KDM4A: variants seen among roughly 807,000 people sequenced by gnomAD.
The protein encoded by KDM4A is lysine-specific demethylase 4A.
KDM4A carries 23 observed loss-of-function variants against 127.1 expected under a neutral mutation model. The observed-to-expected ratio is 0.18, with a 90% CI of 0.13 to 0.26. The LOEUF (loss-of-function observed/expected upper bound fraction) is 0.26. Among genes scored for constraint, KDM4A ranks in the 10% least tolerant of loss-of-function variants. The pLI, the probability that KDM4A is intolerant of heterozygous loss-of-function variation, is 1.00. For missense variants in KDM4A, 890 were observed against 1,329.1 expected, an observed-to-expected ratio of 0.67 and a Z score of 5.14; for synonymous variants, 443 against 466.5, an observed-to-expected ratio of 0.95 and a Z score of 0.65.
intron 11 of KDM4A, among the ~76,000 whole-genome samples, chr1:43,680,133 T>C (rs145661058): frequency 6.6e-6 from 1 of 152,280 alleles, no homozygotes; most frequent in East Asian, 1.9e-4. Flanking sequence ...GGAGGAGTAC[T>C]GTCCAGGAGA....
chr1:43,694,698 C>T lies in KDM4A; in HGVS notation c.2485-11C>T, dbSNP rs200346548. 3 of 1,594,910 alleles carry T rather than the reference C, an allele frequency of 1.9e-6. No individual in the cohort carries two copies. The African/African-American group carries it at 4.0e-5, about 21-fold the overall frequency. On this transcript the variant is annotated splice_polypyrimidine_tract_variant and intron_variant, in intron 17 of 21. Coordinates refer to ENST00000372396, the MANE Select transcript of KDM4A (RefSeq NM_014663.3). This position sits in a 1 kb window ranked among gnomAD's most constrained non-coding sequence, Gnocchi z 5.2. ...TCCTGCAATCACTGGTTTTCTTCCCCTGTGCTACAGAAATGTATCTTCTGT... is the reference window on the plus strand; with the variant it reads ...TCCTGCAATCACTGGTTTTCTTCCCTTGTGCTACAGAAATGTATCTTCTGT...
At position 43,698,012 on chromosome 1, in the gene KDM4A, T is replaced by C; in HGVS notation, c.2840T>C (p.Val947Ala). The C allele has an allele frequency of 6.2e-7, 1 of 1,612,056 alleles. No individual in the cohort carries two copies. Among genetic ancestry groups the C allele is most frequent in the Non-Finnish European group, 8.5e-7 (1 of 1,179,226 alleles). Residue 947 changes from valine (V) to alanine (A), a missense_variant and splice_region_variant, in exon 19 of 22, where the codon GTG becomes GCG. Physicochemically the swap from Val to Ala is moderately conservative, Grantham distance 64. Transcript: ENST00000372396. ...FSDNLYPEDI[V>A]SQDCLQFGPP... ...GACAATCTTTATCCTGAGGACATAGTGGTAATATCTGCAAGGAGCTTCTCA... is the reference window on the plus strand; with the variant it reads ...GACAATCTTTATCCTGAGGACATAGCGGTAATATCTGCAAGGAGCTTCTCA...
At chr1:43,661,229 C>A (rs1660368852) in intron 4 of KDM4A, among the ~76,000 whole-genome samples, 1 of 151,974 alleles carries the variant, frequency 6.6e-6, no homozygotes, top group African/African-American at 2.4e-5. Context: ...CCTGCCTCAG[C>A]CTCCCAAAGT....
At chr1:43,669,365 A>G in intron 10 of KDM4A, 66 bp downstream of exon 10, 1 of 1,474,712 alleles carries the variant, frequency 6.8e-7, no homozygotes, top group Middle Eastern at 1.7e-4. Context: ...TAGATGCCAT[A>G]TTGAGTGCTG....
intron 11 of KDM4A, among the ~76,000 whole-genome samples, chr1:43,677,277 G>A (rs918869923): frequency 4.6e-5 from 7 of 151,158 alleles, no homozygotes; most frequent in Admixed American, 6.6e-5. Flanking sequence ...TCTGAGAGGC[G>A]GAGGTTGCGC....
At chr1:43,696,274 T>C (rs914494622) in intron 18 of KDM4A, among the ~76,000 whole-genome samples, 2 of 152,036 alleles carry the variant, frequency 1.3e-5, no homozygotes, top group African/African-American at 2.4e-5. Context: ...CCCTGTGGAG[T>C]AGTCAGGTCA....
intron 6 of KDM4A, 99 bp from the exon 7 acceptor site, chr1:43,666,353 T>A (rs375151251): frequency 1.1e-5 from 10 of 927,618 alleles, no homozygotes; most frequent in East Asian, 4.9e-5. Flanking sequence ...TGATGCATCC[T>A]CTTTATCATT....
chr1:43,698,853 A>G (rs1377773137), intron 19 of KDM4A, among the ~76,000 whole-genome samples: 2 of 152,106 alleles, frequency 1.3e-5, no homozygotes, highest in East Asian at 3.8e-4. Flanking sequence ...CAGTGGCACA[A>G]TCTCAGCTCA....
rs1291683296 is a variant in KDM4A, at chr1:43,688,942, A to G, written c.1884A>G (p.Glu628=). 2.5e-5 allele frequency: 40 copies of G among 1,614,190 alleles called. No individual in the cohort carries two copies. Among genetic ancestry groups the G allele is most frequent in the Non-Finnish European group, 3.2e-5 (38 of 1,180,022 alleles). The change falls in exon 13 of 22, where the codon GAA becomes GAG. Residue 628 remains glutamate, a synonymous_variant. Coordinates refer to ENST00000372396, the MANE Select transcript of KDM4A (RefSeq NM_014663.3). This position sits in a 1 kb window ranked among gnomAD's most constrained non-coding sequence, Gnocchi z 4.4. ...CATCTGAACAGCTGACCCCTGAGGA[A>G]GAGGCTGAGGAGACAGAGGCCTGGG... ...DETSEQLTPE[E]EAEETEAWAK... is the part of the protein sequence containing the mutation.
chr1:43,652,300 T>C (rs895424280), intron 1 of KDM4A, among the ~76,000 whole-genome samples: 2 of 152,242 alleles, frequency 1.3e-5, no homozygotes, highest in African/African-American at 4.8e-5. Flanking sequence ...GCATTTTAGC[T>C]GTACTATTAG....
At chr1:43,663,154 G>A in intron 5 of KDM4A, 67 bp downstream of exon 5, 1 of 1,399,832 alleles carries the variant, frequency 7.1e-7, no homozygotes, top group African/African-American at 1.4e-5. Flanking sequence ...CATTGTGCGT[G>A]GGAAGCACCT....
chr1:43,688,333 A>G lies in KDM4A; in HGVS notation c.1856-581A>G, dbSNP rs1408301466. 6.6e-6 allele frequency among the ~76,000 whole-genome samples: 1 copy of G among 152,194 alleles called. No homozygotes were observed. Among genetic ancestry groups the G allele is most frequent in the Non-Finnish European group, 1.5e-5 (1 of 68,048 alleles). ...GCTGGGAAGAGGATTCATCTTGGAC[A>G]TGTAGCTCTGCTCTAGGAGGGGTTG... On this transcript the variant is annotated intron_variant, in intron 12 of 21. Transcript: ENST00000372396. The surrounding 1 kb of genome is among the most constrained non-coding windows in gnomAD (Gnocchi z 4.4).
chr1:43,694,136 C>A lies in KDM4A; in HGVS notation c.2484+34C>A. The A allele has an allele frequency of 6.4e-7, 1 of 1,553,036 alleles. No individual in the cohort carries two copies. Among genetic ancestry groups the A allele is most frequent in the Non-Finnish European group, 8.9e-7 (1 of 1,127,876 alleles). The stretch of plus-strand genomic sequence containing the variant: ...TTGTAGACTCTACATAATTTCCCGA[C>A]TTACAAGTTTCTGGGTAGAAGAGAA... On this transcript the variant is annotated intron_variant, in intron 17 of 21. Coordinates refer to ENST00000372396, the MANE Select transcript of KDM4A (RefSeq NM_014663.3). This position sits in a 1 kb window ranked among gnomAD's most constrained non-coding sequence, Gnocchi z 5.2.
chr1:43,665,800 G>A, intron 6 of KDM4A, 55 bp downstream of exon 6: 4 of 1,576,522 alleles, frequency 2.5e-6, no homozygotes, highest in Non-Finnish European at 3.5e-6. Flanking sequence ...TGTGCTCCTT[G>A]CTCTGCACTA....
rs1271218822 is a variant in KDM4A, at chr1:43,652,684, T to C, written c.-39-453T>C. Among the ~76,000 whole-genome samples, 405 of 146,628 alleles carry C rather than the reference T, an allele frequency of 2.8e-3. 4 individuals are homozygous for C. The highest frequency in any genetic ancestry group is 9.0e-3 in the African/African-American group (358 of 39,904). ...TTTTCTTTCTTTCTTTCTTTCTTTT[T>C]TTTTTTTTTTTTTTGAGACGGAGTT... On this transcript the variant is annotated intron_variant, in intron 1 of 21. Transcript: ENST00000372396.
chr1:43,671,571 A>G lies in KDM4A; in HGVS notation c.1430A>G (p.Glu477Gly). ...AATGTCAAACTAGAAGAGGAGGATG[A>G]GGAGGAAGAACAAGCAGCAGCTGCC... ...LKNVKLEEED[E>G]EEEQAAAALD... The change falls in exon 11 of 22, where the codon GAG becomes GGG. Residue 477 changes from glutamate (E) to glycine (G), a missense_variant. Physicochemically the swap from Glu to Gly is moderately conservative, Grantham distance 98 (BLOSUM62 -2). This residue lies in a region of KDM4A where 389 missense variants were observed against 485.9 expected (regional missense o/e 0.80). Transcript: ENST00000372396. 1 of 1,607,062 alleles carries G rather than the reference A, an allele frequency of 6.2e-7. No individual in the cohort carries two copies. Among genetic ancestry groups the G allele is most frequent in the South Asian group, 1.1e-5 (1 of 89,912 alleles).
At chr1:43,659,104 C>T (rs891135154) in intron 3 of KDM4A, among the ~76,000 whole-genome samples, 3 of 151,940 alleles carry the variant, frequency 2.0e-5, no homozygotes, top group African/African-American at 7.3e-5. Context: ...TGAGACCAAC[C>T]TGGGCAACAT....
chr1:43,687,575 T>A (rs1429795309), intron 12 of KDM4A, among the ~76,000 whole-genome samples: 1 of 152,226 alleles, frequency 6.6e-6, no homozygotes, highest in Non-Finnish European at 1.5e-5. Flanking sequence ...CAACTCTAGC[T>A]TCATACCTCC....
chr1:43,666,707 G>T, intron 7 of KDM4A, 152 bp downstream of exon 7: 1 of 713,328 alleles, frequency 1.4e-6, no homozygotes, highest in Non-Finnish European at 2.3e-6. Flanking sequence ...TAAAGGTGGG[G>T]CCACTGTAGC....
Sources: allele counts gnomAD v4.1 joint callset (sites outside exome capture counted in the v4.1 genomes callset), GRCh38; gene constraint gnomAD v4.1.1; regional missense constraint gnomAD v4.1.1; non-coding constraint Gnocchi (gnomAD v3.1); transcripts MANE v1.5; gene names NCBI Gene and HGNC (gene_info 2026-07-23, HGNC 2026-07-21).